The following SYT14 variants were observed in gnomAD, a reference collection of about 807,000 sequenced individuals.
The protein encoded by SYT14 is synaptotagmin 14.
In SYT14, 32 loss-of-function variants were observed where a neutral mutation model predicts 74.2. The observed-to-expected ratio is 0.43, with a 90% confidence interval of 0.33 to 0.58. The LOEUF (loss-of-function observed/expected upper bound fraction) is 0.58, where lower values mean the gene tolerates loss of function less well. Among genes scored for constraint, SYT14 ranks in the 20% least tolerant of loss-of-function variants. The pLI, the probability that SYT14 is intolerant of heterozygous loss-of-function variation, is 0.05. For missense variants in SYT14, 791 were observed against 981.8 expected, an observed-to-expected ratio of 0.81 and a Z score of 2.60; for synonymous variants, 298 against 337.7, an observed-to-expected ratio of 0.88 and a Z score of 1.29.
chr1:210,139,511 G>A (rs1359046620), intron 7 of SYT14, among the ~76,000 whole-genome samples: 1 of 151,936 alleles, frequency 6.6e-6, no homozygotes, highest in African/African-American at 2.4e-5. Context: ...ATGATTCACA[G>A]ATCATAAAAT....
chr1:210,052,683 A>AAAAAAAAAAAAAAAAAAAC (rs2081023608), intron 5 of SYT14, among the ~76,000 whole-genome samples: 1 of 149,964 alleles, frequency 6.7e-6, no homozygotes, highest in African/African-American at 2.4e-5. Context: ...AAAAAAAAAA[A>AAAAAAAAAAAAAAAAAAAC]AGCTCTCCAA....
chr1:209,998,516 T>G (rs1199944130), intron 2 of SYT14, among the ~76,000 whole-genome samples: 1 of 151,840 alleles, frequency 6.6e-6, no homozygotes, highest in Non-Finnish European at 1.5e-5. Context: ...GCAAAAAGAA[T>G]AAAGCTGGAA....
chr1:209,991,324 A>G (rs919264583), intron 2 of SYT14, among the ~76,000 whole-genome samples: 49 of 152,274 alleles, frequency 3.2e-4, no homozygotes, highest in African/African-American at 1.2e-3. Flanking sequence ...AAAAGAAATA[A>G]TCAACACAGT....
exon 10 of SYT14, chr1:210,162,710 G>C: frequency 2.2e-6 from 1 of 450,158 alleles, no homozygotes; most frequent in South Asian, 1.6e-5. Context: ...TATTACTTCA[G>C]CTTGGCTGTA....
At chr1:209,994,499 G>T (rs1244478617) in intron 2 of SYT14, among the ~76,000 whole-genome samples, 1 of 152,138 alleles carries the variant, frequency 6.6e-6, no homozygotes, top group Non-Finnish European at 1.5e-5. Flanking sequence ...TATGTAAAGT[G>T]ATTAAATCTA....
At chr1:210,025,274 A>G (rs1313943298) in intron 5 of SYT14, among the ~76,000 whole-genome samples, 1 of 152,222 alleles carries the variant, frequency 6.6e-6, no homozygotes, top group African/African-American at 2.4e-5. Context: ...ACTGCTGGGC[A>G]CAGTTCTCTT....
At chr1:209,988,102 C>T (rs2079602415) in intron 2 of SYT14, among the ~76,000 whole-genome samples, 1 of 152,146 alleles carries the variant, frequency 6.6e-6, no homozygotes, top group Non-Finnish European at 1.5e-5. Context: ...TATTTATCTA[C>T]TTGAAGTTGT....
chr1:209,993,764 C>T (rs1572128755), intron 2 of SYT14, among the ~76,000 whole-genome samples: 1 of 152,134 alleles, frequency 6.6e-6, no homozygotes, highest in African/African-American at 2.4e-5. Flanking sequence ...TTCCCCTCTC[C>T]CCATCCCTGA....
exon 3 of SYT14, chr1:210,013,655 T>G (rs1215926482): frequency 6.2e-7 from 1 of 1,613,142 alleles, no homozygotes; most frequent in Admixed American, 1.7e-5. Context: ...CAGTTGGATT[T>G]TTGTCAGCTG....
At chr1:210,063,180 C>A (rs990892513) in intron 5 of SYT14, among the ~76,000 whole-genome samples, 6 of 151,312 alleles carry the variant, frequency 4.0e-5, no homozygotes, top group African/African-American at 1.4e-4. Flanking sequence ...ATGTTTTCTT[C>A]TAGTATTTTT....
chr1:209,956,852 G>T (rs1032661870), intron 2 of SYT14, among the ~76,000 whole-genome samples: 2 of 152,048 alleles, frequency 1.3e-5, no homozygotes, highest in Non-Finnish European at 2.9e-5. Flanking sequence ...ATGTAATAGG[G>T]TTGTTTTGTT....
chr1:210,052,684 A>AAAAAAAAAAAAAAAAAAC (rs2081023781), intron 5 of SYT14, among the ~76,000 whole-genome samples: 1 of 147,800 alleles, frequency 6.8e-6, no homozygotes, highest in Non-Finnish European at 1.5e-5. Context: ...AAAAAAAAAA[A>AAAAAAAAAAAAAAAAAAC]GCTCTCCAAG....
intron 1 of SYT14, among the ~76,000 whole-genome samples, chr1:209,948,152 C>G (rs934559827): frequency 2.6e-5 from 4 of 152,134 alleles, no homozygotes; most frequent in African/African-American, 9.7e-5. Context: ...GGGAGTCAAA[C>G]CTGTCGATAT....
chr1:210,084,321 G>A (rs1000973770), intron 5 of SYT14, among the ~76,000 whole-genome samples: 3 of 152,176 alleles, frequency 2.0e-5, no homozygotes, highest in Non-Finnish European at 2.9e-5. Flanking sequence ...TCCTTGTTAG[G>A]AAACAGACAA....
intron 2 of SYT14, among the ~76,000 whole-genome samples, chr1:209,955,008 A>G (rs891704295): frequency 6.6e-6 from 1 of 152,086 alleles, no homozygotes; most frequent in African/African-American, 2.4e-5. Context: ...ACTCGGCTAG[A>G]CATCACAACT....
At chr1:209,958,265 C>A (rs2079023553) in intron 2 of SYT14, among the ~76,000 whole-genome samples, 1 of 152,112 alleles carries the variant, frequency 6.6e-6, no homozygotes, top group Non-Finnish European at 1.5e-5. Context: ...TACCTATTCC[C>A]TAACAGTGTC....
chr1:210,142,341 C>T (rs1402620317), intron 7 of SYT14, among the ~76,000 whole-genome samples: 1 of 152,204 alleles, frequency 6.6e-6, no homozygotes, highest in East Asian at 1.9e-4. Flanking sequence ...CTTGAATAAA[C>T]ACTCCTTGGA....
chr1:210,035,841 A>G (rs1042821288), intron 5 of SYT14, among the ~76,000 whole-genome samples: 6 of 152,024 alleles, frequency 3.9e-5, no homozygotes, highest in Non-Finnish European at 8.8e-5. Context: ...AGGTCATGTA[A>G]TGCTTCTAGC....
At chr1:210,146,916 T>G (rs903709893) in intron 7 of SYT14, among the ~76,000 whole-genome samples, 4 of 151,958 alleles carry the variant, frequency 2.6e-5, no homozygotes, top group South Asian at 4.1e-4. Context: ...ACTACTTCTT[T>G]CCTTAAAAGA....
Sources: allele counts gnomAD v4.1 joint callset (sites outside exome capture counted in the v4.1 genomes callset), GRCh38; gene constraint gnomAD v4.1.1; transcripts MANE v1.5; gene names NCBI Gene and HGNC (gene_info 2026-07-23, HGNC 2026-07-21).